NPTN: variants seen among roughly 807,000 people sequenced by gnomAD.
The protein encoded by NPTN is SDR-1.
Under a neutral mutation model 42.7 loss-of-function variants are expected in NPTN, and 5 were observed. The ratio of observed to expected loss-of-function variants is 0.12; its 90% CI spans 0.06 to 0.25. NPTN has a LOEUF of 0.25. NPTN is among the 10% of genes least tolerant of loss of function. The probability of loss-of-function intolerance (pLI) is 1.00; values close to 1 mark genes in which losing one functional copy is unlikely to be tolerated. For synonymous variants in NPTN, 180 were observed against 201.9 expected (o/e 0.89, Z 0.92); for missense variants, 307 against 525.4 (o/e 0.58, Z 4.06).
chr15:73,601,872 A>G (rs1426583992), intron 1 of NPTN, among the ~76,000 whole-genome samples: 1 of 152,178 alleles, frequency 6.6e-6, no homozygotes, highest in Non-Finnish European at 1.5e-5. Context: ...TAGCAGGCAG[A>G]GCATTAAAAA....
At chr15:73,588,707 T>A (rs1045716737) in intron 3 of NPTN, among the ~76,000 whole-genome samples, 3 of 152,214 alleles carry the variant, frequency 2.0e-5, no homozygotes, top group African/African-American at 7.2e-5. Flanking sequence ...TTGGCTTACG[T>A]GTCAGTTTAT....
chr15:73,607,135 T>C (rs2141443291), intron 1 of NPTN, among the ~76,000 whole-genome samples: 1 of 152,352 alleles, frequency 6.6e-6, no homozygotes, highest in South Asian at 2.1e-4. Flanking sequence ...CTCTCCCCAG[T>C]GCAGAATCTC....
In NPTN at chr15:73,569,863, A is replaced by C. The variant is rs1895262340; in HGVS notation, c.1114+287T>G. On this transcript the variant is annotated intron_variant, in intron 6 of 8. Coordinates refer to ENST00000345330, the MANE Select transcript of NPTN (RefSeq NM_012428.4). This position sits in a 1 kb window ranked among gnomAD's most constrained non-coding sequence, Gnocchi z 4.1. Reference sequence around the variant, plus strand: ...AGACTGACAGCTGCCCATTCACCACATGGGGCCTGAAAGGCAGATGGGACT... The same window carrying C: ...AGACTGACAGCTGCCCATTCACCACCTGGGGCCTGAAAGGCAGATGGGACT... The C allele has an allele frequency of 2.1e-6, 2 of 960,234 alleles. No individual in the cohort carries two copies. The highest frequency in any genetic ancestry group is 2.5e-6 in the Non-Finnish European group (2 of 806,964). The allele number at this position is 960,234 out of a possible 1,614,324, so 59.5% of individuals were successfully genotyped here.
chr15:73,618,916 G>A (rs1374058459), intron 1 of NPTN, among the ~76,000 whole-genome samples: 5 of 151,762 alleles, frequency 3.3e-5, no homozygotes, highest in Non-Finnish European at 7.4e-5. Flanking sequence ...AAAATTAGCC[G>A]GGTGTGGTGG....
intron 1 of NPTN, among the ~76,000 whole-genome samples, chr15:73,623,849 C>A (rs956248611): frequency 2.6e-5 from 4 of 152,138 alleles, no homozygotes; most frequent in African/African-American, 7.2e-5. Context: ...AGCTCTTTGT[C>A]CTACTTATAA....
At chr15:73,616,821 C>T (rs1256605891) in intron 1 of NPTN, among the ~76,000 whole-genome samples, 3 of 152,122 alleles carry the variant, frequency 2.0e-5, no homozygotes, top group Non-Finnish European at 4.4e-5. Flanking sequence ...AGAATGCTTT[C>T]GCTAAAAATT....
chr15:73,585,823 C>T (rs1271329606), intron 4 of NPTN, among the ~76,000 whole-genome samples: 1 of 152,204 alleles, frequency 6.6e-6, no homozygotes, highest in Non-Finnish European at 1.5e-5. Context: ...CAACAGTGCA[C>T]AGTAAGCACC....
intron 6 of NPTN, among the ~76,000 whole-genome samples, chr15:73,566,187 C>A (rs1894990532): frequency 6.6e-6 from 1 of 152,220 alleles, no homozygotes; most frequent in Non-Finnish European, 1.5e-5. Context: ...ACACCGAATG[C>A]ATGTTTTAGG....
chr15:73,568,169 C>T (rs1895144915), intron 6 of NPTN: 1 of 985,420 alleles, frequency 1.0e-6, no homozygotes, highest in South Asian at 4.7e-5. Context: ...CAATCCTAAC[C>T]ATTTCTCAAA....
chr15:73,607,098 A>C (rs1248442344), intron 1 of NPTN, among the ~76,000 whole-genome samples: 4 of 152,150 alleles, frequency 2.6e-5, no homozygotes, highest in Non-Finnish European at 5.9e-5. Flanking sequence ...CCACCTGCCT[A>C]TGCTGTATTC....
In NPTN at chr15:73,633,119, G is replaced by A. The variant is rs751538751; in HGVS notation, c.91+6C>T. On this transcript the variant is annotated splice_donor_region_variant and intron_variant, in intron 1 of 8. Coordinates refer to ENST00000345330, the MANE Select transcript of NPTN (RefSeq NM_012428.4). ...CCGCCCGGCCCGCCCCCGGCGCCCC[G>A]CTTACCGTTCTGAGCGGCGCCTGGC... 8 of 1,445,248 alleles carry A rather than the reference G, an allele frequency of 5.5e-6. No homozygotes were observed. In the South Asian group the frequency reaches 8.5e-5, roughly 15 times the overall value. The allele number at this position is 1,445,248 out of a possible 1,614,324, so 89.5% of individuals were successfully genotyped here. A position where few individuals can be genotyped will look rare whatever the true frequency, so the allele number is the denominator to read the frequency against.
rs1354973703 is a variant in NPTN, at chr15:73,592,039, T to C, written c.538A>G (p.Thr180Ala). 2 of 1,613,954 alleles carry C rather than the reference T, an allele frequency of 1.2e-6. No homozygotes were observed. Among genetic ancestry groups the C allele is most frequent in the Non-Finnish European group, 1.7e-6 (2 of 1,179,994 alleles). The change falls in exon 3 of 9, where the codon ACA (threonine) becomes GCA (alanine). Residue 180 changes from threonine to alanine, a missense_variant. Thr to Ala is a moderately conservative substitution (Grantham distance 58, BLOSUM62 0). Coordinates refer to ENST00000345330, the MANE Select transcript of NPTN (RefSeq NM_012428.4). ...CNLTSSSHTL[T>A]YSYWTKNGVE... The stretch of plus-strand genomic sequence containing the variant: ...CCATTCTTTGTCCAGTAGCTGTATG[T>C]AAGGGTGTGAGAGCTGGAGGTGAGG...
At chr15:73,574,200 A>C (rs867479619) in intron 4 of NPTN, among the ~76,000 whole-genome samples, 4 of 152,236 alleles carry the variant, frequency 2.6e-5, no homozygotes, top group Non-Finnish European at 4.4e-5. Context: ...ATCCTGTCAA[A>C]TATCACACAT....
At chr15:73,566,735 A>G (rs1267405521) in intron 6 of NPTN, among the ~76,000 whole-genome samples, 2 of 152,254 alleles carry the variant, frequency 1.3e-5, no homozygotes, top group African/African-American at 4.8e-5. Context: ...TGGTCTTTTT[A>G]GAGAACTATC....
At chr15:73,562,460 G>A (rs1894733850) in intron 7 of NPTN, among the ~76,000 whole-genome samples, 1 of 152,162 alleles carries the variant, frequency 6.6e-6, no homozygotes. Context: ...ATACAGGTGA[G>A]AATATGTAAA....
intron 4 of NPTN, 68 bp downstream of exon 4, chr15:73,587,456 C>A (rs1896373925): frequency 8.8e-7 from 1 of 1,132,076 alleles, no homozygotes. Context: ...AAGACTGGGA[C>A]TCCAGACCAA....
chr15:73,630,095 G>C (rs1841503189), intron 1 of NPTN, among the ~76,000 whole-genome samples: 1 of 152,208 alleles, frequency 6.6e-6, no homozygotes, highest in South Asian at 2.1e-4. Flanking sequence ...TTAAAGGATA[G>C]TAGTAATAGC....
rs942104830 is a variant in NPTN, at chr15:73,571,072, G to A, written c.841-649C>T. On this transcript the variant is annotated intron_variant, in intron 5 of 8. Transcript: ENST00000345330. ...AAGGTGGGAGGATCGCTTGAGCCCA[G>A]GAGTTCAAGACTGGCCTTGGCAACA... 7.2e-5 allele frequency among the ~76,000 whole-genome samples: 11 copies of A among 152,288 alleles called. 1 individual carries two copies. The highest frequency in any genetic ancestry group is 3.4e-3 in the Middle Eastern group (1 of 294).
chr15:73,599,894 G>T (rs940120455), intron 1 of NPTN, among the ~76,000 whole-genome samples: 3 of 152,176 alleles, frequency 2.0e-5, no homozygotes, highest in African/African-American at 7.2e-5. Flanking sequence ...ACTGTTAGTG[G>T]ATTTCTTTTG....
Sources: gnomAD v4.1 joint callset for allele counts (sites outside exome capture counted in the v4.1 genomes callset) on GRCh38, gnomAD v4.1.1 for gene constraint, Gnocchi (gnomAD v3.1) non-coding constraint, MANE v1.5 for transcripts, NCBI Gene and HGNC (gene_info 2026-07-23, HGNC 2026-07-21) for gene names.